RIMS2: variants seen among roughly 807,000 people sequenced by gnomAD.
The protein encoded by RIMS2 is regulating synaptic membrane exocytosis protein 2.
A neutral mutation model predicts 174.4 loss-of-function variants in RIMS2; 59 were observed. That is an observed-to-expected ratio of 0.34 (90% CI 0.27 to 0.42). The LOEUF is 0.42. RIMS2 is among the 10% of genes least tolerant of loss of function. RIMS2 has a pLI of 1.00. For missense variants in RIMS2, 1,620 were observed against 1,666.3 expected, an observed-to-expected ratio of 0.97 and a Z score of 0.48; for synonymous variants, 606 against 572.5, an observed-to-expected ratio of 1.06 and a Z score of -0.84.
intron 2 of RIMS2, among the ~76,000 whole-genome samples, chr8:103,765,363 C>T (rs1390375206): frequency 2.6e-5 from 4 of 151,714 alleles, no homozygotes; most frequent in East Asian, 1.9e-4. Context: ...ATAGTTGTGC[C>T]GGGGTTGGAG....
chr8:104,196,036 A>G (rs1172432601), intron 19 of RIMS2, among the ~76,000 whole-genome samples: 1 of 152,192 alleles, frequency 6.6e-6, no homozygotes, highest in Non-Finnish European at 1.5e-5. Flanking sequence ...TAATATGACT[A>G]TAACATGAAG....
intron 19 of RIMS2, among the ~76,000 whole-genome samples, chr8:104,029,107 C>G (rs985112416): frequency 3.9e-5 from 6 of 152,176 alleles, no homozygotes; most frequent in Non-Finnish European, 4.4e-5. Context: ...CATTTGTAAA[C>G]TGAAATGGCA....
intron 19 of RIMS2, among the ~76,000 whole-genome samples, chr8:104,019,446 T>A (rs1340999936): frequency 6.6e-6 from 1 of 152,166 alleles, no homozygotes; most frequent in East Asian, 1.9e-4. Context: ...TTTCATGGTG[T>A]GAAAGCAATG....
intron 1 of RIMS2, among the ~76,000 whole-genome samples, chr8:103,506,243 C>T (rs1823552780): frequency 1.3e-5 from 2 of 151,692 alleles, no homozygotes; most frequent in Admixed American, 1.3e-4. Flanking sequence ...GAAAGAGTAC[C>T]CAATAAATTT....
chr8:103,629,044 G>T (rs1402575509), intron 1 of RIMS2, among the ~76,000 whole-genome samples: 1 of 152,094 alleles, frequency 6.6e-6, no homozygotes, highest in Non-Finnish European at 1.5e-5. Context: ...AGTGAGAGAG[G>T]CCCCTGTTCC....
intron 2 of RIMS2, among the ~76,000 whole-genome samples, chr8:103,758,205 T>C (rs555275949): frequency 6.6e-6 from 1 of 152,286 alleles, no homozygotes; most frequent in South Asian, 2.1e-4. Flanking sequence ...TCCTCTGAAC[T>C]TACTTCTTCC....
At chr8:104,123,614 A>G (rs953509738) in intron 19 of RIMS2, among the ~76,000 whole-genome samples, 1 of 151,584 alleles carries the variant, frequency 6.6e-6, no homozygotes, top group African/African-American at 2.4e-5. Flanking sequence ...CCATGTAGTA[A>G]TAGGACATGG....
chr8:103,768,072 A>G (rs919014072), intron 3 of RIMS2, among the ~76,000 whole-genome samples: 1 of 152,148 alleles, frequency 6.6e-6, no homozygotes, highest in African/African-American at 2.4e-5. Flanking sequence ...TGATGAGGCA[A>G]TGTGGTTGGG....
Position 103,505,914 on chromosome 8 carries a change from C to G in RIMS2, c.176+4852C>G, listed in dbSNP as rs550378759. The stretch of plus-strand genomic sequence containing the variant: ...TAATTTTTAGTGATTTGTGGAGGCT[C>G]TCTTACATGTTATTTGTTTTAGGAC... On this transcript the variant is annotated intron_variant, in intron 1 of 23. Coordinates refer to ENST00000504942, the Ensembl canonical transcript of RIMS2. Among the ~76,000 whole-genome samples the G allele has an allele frequency of 7.9e-5, 12 of 152,196 alleles. No individual in the cohort carries two copies. The South Asian group carries it at 8.3e-4, about 11-fold the overall frequency.
chr8:103,948,402 G>A (rs2084370798), intron 14 of RIMS2, among the ~76,000 whole-genome samples: 1 of 152,210 alleles, frequency 6.6e-6, no homozygotes, highest in Non-Finnish European at 1.5e-5. Flanking sequence ...TATTCACAAT[G>A]ATTAAAAGGT....
At chr8:103,611,279 A>T (rs1259323357) in intron 1 of RIMS2, among the ~76,000 whole-genome samples, 1 of 151,874 alleles carries the variant, frequency 6.6e-6, no homozygotes, top group Non-Finnish European at 1.5e-5. Flanking sequence ...CTATGTCTTG[A>T]TAGATTATTG....
At chr8:103,569,827 T>A (rs1222733861) in intron 1 of RIMS2, among the ~76,000 whole-genome samples, 1 of 151,376 alleles carries the variant, frequency 6.6e-6, no homozygotes. Flanking sequence ...GGTCTTGCTA[T>A]GTCTGGTCTT....
intron 19 of RIMS2, among the ~76,000 whole-genome samples, chr8:104,235,131 G>A (rs1204052584): frequency 2.6e-5 from 4 of 152,026 alleles, no homozygotes; most frequent in African/African-American, 7.2e-5. Flanking sequence ...AACAAAAAAC[G>A]TGAATGATCT....
At position 104,146,172 on chromosome 8, in the gene RIMS2, C is replaced by A. The variant is rs181154067; in HGVS notation, c.3335-98744C>A. Among the ~76,000 whole-genome samples, 314 of 134,908 alleles carry A rather than the reference C, an allele frequency of 2.3e-3. 4 individuals carry two copies. Among genetic ancestry groups the A allele is most frequent in the Non-Finnish European group, 8.8e-4 (57 of 64,698 alleles). 88.5% of individuals were successfully genotyped at this position (134,908 alleles called of 152,430 possible). A position where few individuals can be genotyped will look rare whatever the true frequency, so the allele number is the denominator to read the frequency against. ...TTGCGTCCAGGAGTTGAGACCAGCC[C>A]GGGCAACACAGTGAGAACCTGTCTC... On this transcript the variant is annotated intron_variant, in intron 19 of 23. Transcript: ENST00000504942.
At chr8:104,125,063 C>T (rs1271504396) in intron 19 of RIMS2, among the ~76,000 whole-genome samples, 2 of 151,860 alleles carry the variant, frequency 1.3e-5, no homozygotes, top group Non-Finnish European at 2.9e-5. Flanking sequence ...AGAGAATCAG[C>T]GGTAGAGGAA....
chr8:103,933,334 C>CACACAA (rs1213415308), intron 12 of RIMS2, among the ~76,000 whole-genome samples: 3 of 124,532 alleles, frequency 2.4e-5, no homozygotes, highest in South Asian at 2.4e-4. Context: ...CACACACACA[C>CACACAA]AATTAGCCAG....
intron 3 of RIMS2, among the ~76,000 whole-genome samples, chr8:103,787,661 C>T (rs1239130661): frequency 5.3e-5 from 8 of 152,144 alleles, no homozygotes; most frequent in Admixed American, 5.2e-4. Flanking sequence ...TGATGGGCTT[C>T]CCTTTGAGGG....
At chr8:103,648,857 G>A (rs1031142562) in intron 1 of RIMS2, among the ~76,000 whole-genome samples, 1 of 152,148 alleles carries the variant, frequency 6.6e-6, no homozygotes, top group African/African-American at 2.4e-5. Context: ...TGGGTCTCTT[G>A]AAGACAGCAT....
At chr8:103,593,031 ATTG>A in intron 1 of RIMS2, among the ~76,000 whole-genome samples, 1 of 151,444 alleles carries the variant, frequency 6.6e-6, no homozygotes, top group East Asian at 1.9e-4. Flanking sequence ...GTGCCAAACT[ATTG>A]TTATTTACAT....
Sources: allele counts gnomAD v4.1 joint callset (sites outside exome capture counted in the v4.1 genomes callset), GRCh38; gene constraint gnomAD v4.1.1; transcripts MANE v1.5; gene names NCBI Gene and HGNC (gene_info 2026-07-23, HGNC 2026-07-21).